CNTN4: variants seen among roughly 807,000 people sequenced by gnomAD.
CNTN4 encodes the protein contactin-4.
A neutral mutation model predicts 122.5 loss-of-function variants in CNTN4; 77 were observed. The observed-to-expected ratio is 0.63, with a 90% confidence interval of 0.52 to 0.76. CNTN4 has a LOEUF of 0.76. Among genes scored for constraint, CNTN4 ranks in the 30% least tolerant of loss-of-function variants. CNTN4 has a pLI of 0.00. For synonymous variants in CNTN4, 512 were observed against 447.0 expected (o/e 1.15, Z -1.83); for missense variants, 1,256 against 1,259.1 (o/e 1.00, Z 0.04).
chr3:2,790,683 G>A (rs1432509024), intron 6 of CNTN4, among the ~76,000 whole-genome samples: 1 of 152,114 alleles, frequency 6.6e-6, no homozygotes, highest in Non-Finnish European at 1.5e-5. Context: ...GGTTGTAGCA[G>A]GGCAAGTTTG....
chr3:2,380,907 T>G (rs1223333826), intron 3 of CNTN4, among the ~76,000 whole-genome samples: 1 of 152,210 alleles, frequency 6.6e-6, no homozygotes, highest in Non-Finnish European at 1.5e-5. Context: ...ATATGTGTTT[T>G]TCTATTTTCT....
chr3:2,526,341 A>G (rs1273621593), intron 3 of CNTN4, among the ~76,000 whole-genome samples: 5 of 152,208 alleles, frequency 3.3e-5, no homozygotes, highest in Admixed American at 3.3e-4. Flanking sequence ...TTTCACCTAC[A>G]TTTTATGGCA....
rs186044765 is a variant in CNTN4, at chr3:2,762,599, C to T, written c.358+16902C>T. 3.4e-4 allele frequency among the ~76,000 whole-genome samples: 51 copies of T among 152,184 alleles called. 1 individual carries two copies. Among genetic ancestry groups the T allele is most frequent in the Middle Eastern group, 6.8e-3 (2 of 292 alleles). ...CATTGATGCGCTTTTAGGTTGATTC[C>T]GTGTCTTTGCTATTGTGAATAGTAC... On this transcript the variant is annotated intron_variant, in intron 6 of 24. Transcript: ENST00000418658.
intron 6 of CNTN4, among the ~76,000 whole-genome samples, chr3:2,751,120 T>C (rs2090068903): frequency 6.9e-6 from 1 of 145,526 alleles, no homozygotes; most frequent in Non-Finnish European, 1.5e-5. Flanking sequence ...GCTAACATGG[T>C]GAAACCCCAT....
rs1309272328 is a variant in CNTN4, at chr3:2,122,092, T to C, written c.-145+21453T>C. 4.0e-5 allele frequency among the ~76,000 whole-genome samples: 6 copies of C among 151,704 alleles called. No homozygotes were observed. The South Asian group carries it at 6.3e-4, about 16-fold the overall frequency. ...ATGGCGGGAACCCGGGAGGCGGAGC[T>C]TGCAGTGAGCTGAGATTGCGCCACT... is the stretch of plus-strand genomic sequence containing the variant. On this transcript the variant is annotated intron_variant, in intron 2 of 24. Transcript: ENST00000418658.
intron 10 of CNTN4, among the ~76,000 whole-genome samples, chr3:2,894,461 G>C (rs952987977): frequency 6.6e-6 from 1 of 152,184 alleles, no homozygotes; most frequent in Non-Finnish European, 1.5e-5. Context: ...TCTGAATCTG[G>C]ATGTTAATGT....
chr3:2,927,864 A>G (rs1156622363), intron 13 of CNTN4, among the ~76,000 whole-genome samples: 1 of 152,188 alleles, frequency 6.6e-6, no homozygotes, highest in Non-Finnish European at 1.5e-5. Context: ...CTCTGTCAGC[A>G]GGCTAGTCCC....
chr3:3,001,568 C>T (rs892622980), intron 14 of CNTN4, among the ~76,000 whole-genome samples: 1 of 152,124 alleles, frequency 6.6e-6, no homozygotes, highest in Non-Finnish European at 1.5e-5. Context: ...TGCCTTTAGA[C>T]AGGGGGCATG....
At chr3:2,495,802 C>T (rs1475069505) in intron 3 of CNTN4, among the ~76,000 whole-genome samples, 1 of 152,148 alleles carries the variant, frequency 6.6e-6, no homozygotes, top group Non-Finnish European at 1.5e-5. Flanking sequence ...GAAACCAGTC[C>T]CTGCTGCCAA....
intron 2 of CNTN4, among the ~76,000 whole-genome samples, chr3:2,235,121 A>G (rs1575139973): frequency 6.6e-6 from 1 of 152,184 alleles, no homozygotes; most frequent in East Asian, 1.9e-4. Context: ...GTAAGTTTAT[A>G]CATTTCAGAG....
chr3:2,643,840 C>G (rs941824944), intron 4 of CNTN4, among the ~76,000 whole-genome samples: 1 of 152,094 alleles, frequency 6.6e-6, no homozygotes, highest in African/African-American at 2.4e-5. Context: ...GTCACAGGCA[C>G]CCTATATAAA....
chr3:2,788,844 T>C (rs1409856962), intron 6 of CNTN4, among the ~76,000 whole-genome samples: 1 of 152,178 alleles, frequency 6.6e-6, no homozygotes, highest in East Asian at 1.9e-4. Flanking sequence ...TGTATTTGTT[T>C]AAGAAATGAC....
At position 2,709,213 on chromosome 3, in the gene CNTN4, A is replaced by G. The variant is rs1211103184; in HGVS notation, c.56-27002A>G. On this transcript the variant is annotated intron_variant, in intron 4 of 24. Transcript: ENST00000418658. This position sits in a 1 kb window ranked among gnomAD's most constrained non-coding sequence, Gnocchi z 5.0. Reference sequence around the variant, plus strand: ...AAAACCAAATTTTATTGGTAAAAATAACTATTTCTTTTAGAATAAAGAATG... The same window carrying G: ...AAAACCAAATTTTATTGGTAAAAATGACTATTTCTTTTAGAATAAAGAATG... 6.6e-6 allele frequency among the ~76,000 whole-genome samples: 1 copy of G among 152,238 alleles called. No individual in the cohort carries two copies. The highest frequency in any genetic ancestry group is 1.9e-4 in the East Asian group (1 of 5,202).
chr3:2,457,117 G>A (rs1575672727), intron 3 of CNTN4, among the ~76,000 whole-genome samples: 1 of 152,052 alleles, frequency 6.6e-6, no homozygotes, highest in Non-Finnish European at 1.5e-5. Flanking sequence ...TGTTGCGTCA[G>A]CTTCAGACTT....
intron 3 of CNTN4, among the ~76,000 whole-genome samples, chr3:2,510,749 G>A (rs760494879): frequency 1.0e-3 from 155 of 152,206 alleles, no homozygotes; most frequent in Admixed American, 2.0e-3. Flanking sequence ...TTCACATTCA[G>A]ATTCTCAAAT....
intron 2 of CNTN4, among the ~76,000 whole-genome samples, chr3:2,301,592 C>G (rs2042525805): frequency 6.6e-6 from 1 of 152,102 alleles, no homozygotes; most frequent in South Asian, 2.1e-4. Flanking sequence ...ATGTTTTATT[C>G]CTTTTGATTT....
chr3:2,120,394 T>TAA lies in CNTN4; in HGVS notation c.-145+19756_-145+19757insAA, dbSNP rs1559260945. Among the ~76,000 whole-genome samples the TAA allele has an allele frequency of 6.0e-3, 189 of 31,632 alleles. 3 individuals carry two copies. The highest frequency in any genetic ancestry group is 9.9e-3 in the Non-Finnish European group (136 of 13,684). 20.8% of individuals were successfully genotyped at this position (31,632 alleles called of 152,430 possible). ...ATATAAATATATATATATATATATA[T>TAA]ATATATATATATTTTTTTTTTTTTT... On this transcript the variant is annotated intron_variant, in intron 2 of 24. Transcript: ENST00000418658.
intron 4 of CNTN4, among the ~76,000 whole-genome samples, chr3:2,720,416 G>T (rs949113570): frequency 2.6e-5 from 4 of 152,138 alleles, no homozygotes; most frequent in Admixed American, 6.5e-5. Flanking sequence ...CTCGTTCAGA[G>T]ACCTGGGGAA....
chr3:2,207,023 C>A (rs1040510287), intron 2 of CNTN4, among the ~76,000 whole-genome samples: 5 of 151,658 alleles, frequency 3.3e-5, no homozygotes, highest in Non-Finnish European at 5.9e-5. Context: ...AGACTTTCTT[C>A]TTATTATTAT....
Sources: allele counts gnomAD v4.1 joint callset (sites outside exome capture counted in the v4.1 genomes callset), GRCh38; gene constraint gnomAD v4.1.1; non-coding constraint Gnocchi (gnomAD v3.1); transcripts MANE v1.5; gene names NCBI Gene and HGNC (gene_info 2026-07-23, HGNC 2026-07-21).